The following STPG2 variants were observed in gnomAD, a reference collection of about 807,000 sequenced individuals.
STPG2 encodes sperm-tail PG-rich repeat-containing protein 2.
A neutral mutation model predicts 54.2 loss-of-function variants in STPG2; 56 were observed. The observed-to-expected ratio is 1.03, with a 90% confidence interval of 0.83 to 1.29. STPG2 has a LOEUF of 1.29. Among genes scored for constraint, STPG2 ranks in the 50% most tolerant of loss-of-function variants. The pLI is 0.00. For synonymous variants in STPG2, 200 were observed against 181.8 expected, an observed-to-expected ratio of 1.10 and a Z score of -0.81; for missense variants, 596 against 544.9, an observed-to-expected ratio of 1.09 and a Z score of -0.93.
At chr4:98,042,875 C>T (rs748264150) in intron 5 of STPG2, among the ~76,000 whole-genome samples, 3 of 151,934 alleles carry the variant, frequency 2.0e-5, no homozygotes, top group Non-Finnish European at 2.9e-5. Context: ...AATGATCTGT[C>T]TAGTGTTGTC....
At chr4:97,496,630 C>T (rs754632409) in intron 4 of STPG2, among the ~76,000 whole-genome samples, 4 of 151,728 alleles carry the variant, frequency 2.6e-5, no homozygotes, top group African/African-American at 4.8e-5. Flanking sequence ...AAAATCATAA[C>T]GTGTACCCCC....
chr4:98,012,690 G>A (rs1735796987), intron 5 of STPG2, among the ~76,000 whole-genome samples: 1 of 152,044 alleles, frequency 6.6e-6, no homozygotes, highest in South Asian at 2.1e-4. Flanking sequence ...GTATTCCTAG[G>A]TATTTTATTC....
intron 9 of STPG2, among the ~76,000 whole-genome samples, chr4:97,740,802 C>A (rs1171955340): frequency 6.6e-6 from 1 of 151,950 alleles, no homozygotes; most frequent in Non-Finnish European, 1.5e-5. Context: ...GTAATTTATA[C>A]ATTCAATGCC....
chr4:97,476,979 G>A (rs529783338), intron 4 of STPG2, among the ~76,000 whole-genome samples: 1 of 152,210 alleles, frequency 6.6e-6, no homozygotes. Flanking sequence ...TCGGAGTTTG[G>A]GGACAAAACC....
chr4:98,086,785 T>A (rs959085621), intron 5 of STPG2, among the ~76,000 whole-genome samples: 2 of 151,512 alleles, frequency 1.3e-5, no homozygotes, highest in African/African-American at 4.8e-5. Context: ...ATTGCAACCA[T>A]CTTATCATAT....
chr4:97,441,370 A>G (rs933831738), intron 4 of STPG2: 1 of 152,042 alleles, frequency 6.6e-6, no homozygotes. Context: ...ATTTTCTGAA[A>G]AAAACAAATA....
intron 9 of STPG2, among the ~76,000 whole-genome samples, chr4:97,765,370 A>G (rs890697538): frequency 4.6e-5 from 7 of 152,122 alleles, no homozygotes; most frequent in African/African-American, 1.7e-4. Flanking sequence ...TGTCCTCCCT[A>G]TAAGAGGCTT....
At chr4:98,130,492 T>C (rs1739956678) in intron 2 of STPG2, among the ~76,000 whole-genome samples, 1 of 152,188 alleles carries the variant, frequency 6.6e-6, no homozygotes, top group Admixed American at 6.5e-5. Context: ...CAGAATTTTA[T>C]TTTTTATCAA....
At chr4:97,746,372 T>C (rs867466264) in intron 9 of STPG2, among the ~76,000 whole-genome samples, 15 of 151,320 alleles carry the variant, frequency 9.9e-5, no homozygotes, top group African/African-American at 3.4e-4. Flanking sequence ...TTTGTTCCCC[T>C]GTTTTATCCA....
chr4:97,743,870 C>T lies in STPG2; in HGVS notation c.1205-31056G>A, dbSNP rs558578715. Among the ~76,000 whole-genome samples the T allele has an allele frequency of 7.1e-4, 107 of 151,426 alleles. 2 individuals are homozygous for T. The highest frequency in any genetic ancestry group is 2.0e-3 in the Admixed American group (31 of 15,146). On this transcript the variant is annotated intron_variant, in intron 9 of 10. Coordinates refer to ENST00000295268, the MANE Select transcript of STPG2 (RefSeq NM_174952.3). ...GAGTAGAAAAGCTAGTAGGATTTTG[C>T]TAAATAGGTGCAAGTATTCATAGGT...
At chr4:97,609,929 A>G (rs1254784870) in intron 10 of STPG2, among the ~76,000 whole-genome samples, 1 of 151,888 alleles carries the variant, frequency 6.6e-6, no homozygotes. Flanking sequence ...GCAAAAATGT[A>G]TATGTATATA....
intron 9 of STPG2, among the ~76,000 whole-genome samples, chr4:97,773,551 A>G (rs1240925670): frequency 6.6e-6 from 1 of 152,052 alleles, no homozygotes; most frequent in Non-Finnish European, 1.5e-5. Flanking sequence ...AGCTCAAGTA[A>G]TCTCCCCACC....
At chr4:97,471,925 A>T (rs1337963953) in intron 4 of STPG2, among the ~76,000 whole-genome samples, 1 of 152,106 alleles carries the variant, frequency 6.6e-6, no homozygotes, top group East Asian at 1.9e-4. Context: ...GGTAAATAAA[A>T]TTTTTTCTTT....
intron 9 of STPG2, among the ~76,000 whole-genome samples, chr4:97,764,720 A>T (rs1294408775): frequency 6.6e-6 from 1 of 152,092 alleles, no homozygotes; most frequent in Non-Finnish European, 1.5e-5. Flanking sequence ...ATAGTAAGAA[A>T]TATTTCTGTT....
chr4:98,016,750 T>C (rs900983115), intron 5 of STPG2, among the ~76,000 whole-genome samples: 1 of 152,238 alleles, frequency 6.6e-6, no homozygotes. Flanking sequence ...AGGCTATTCA[T>C]AGATCTCCAT....
chr4:97,609,473 G>A (rs751638541), intron 10 of STPG2, among the ~76,000 whole-genome samples: 19 of 151,956 alleles, frequency 1.3e-4, no homozygotes, highest in Non-Finnish European at 2.6e-4. Context: ...AAAGGAGGAA[G>A]AGGTAGAAGA....
chr4:97,997,021 G>A (rs1266692673), intron 5 of STPG2, among the ~76,000 whole-genome samples: 1 of 152,226 alleles, frequency 6.6e-6, no homozygotes, highest in Non-Finnish European at 1.5e-5. Context: ...TTGCTGGAAA[G>A]CAGTTTGGCA....
At chr4:97,964,330 C>T (rs529515727) in intron 7 of STPG2, among the ~76,000 whole-genome samples, 1 of 152,056 alleles carries the variant, frequency 6.6e-6, no homozygotes, top group Non-Finnish European at 1.5e-5. Flanking sequence ...AGTAAGCACA[C>T]CCTTTGCTGA....
rs192730718 is a variant in STPG2, at chr4:97,645,043, T to A, written c.1320+67656A>T. 2.6e-3 allele frequency among the ~76,000 whole-genome samples: 395 copies of A among 152,154 alleles called. 1 individual carries two copies. Among genetic ancestry groups the A allele is most frequent in the African/African-American group, 9.1e-3 (377 of 41,536 alleles). On this transcript the variant is annotated intron_variant, in intron 10 of 10. Coordinates refer to ENST00000295268, the MANE Select transcript of STPG2 (RefSeq NM_174952.3). ...AAGCTGAGATGTGCTTTTTCTCATATTCTAAACGTACAATTATGAAATTTC... is the reference window on the plus strand; with the variant it reads ...AAGCTGAGATGTGCTTTTTCTCATAATCTAAACGTACAATTATGAAATTTC...
Sources: allele counts gnomAD v4.1 joint callset (sites outside exome capture counted in the v4.1 genomes callset), GRCh38; gene constraint gnomAD v4.1.1; transcripts MANE v1.5; gene names NCBI Gene and HGNC (gene_info 2026-07-23, HGNC 2026-07-21).